ZNF891: variants seen among roughly 807,000 people sequenced by gnomAD.
ZNF891 encodes the protein hCG1646157.
For synonymous variants in ZNF891, 199 were observed against 209.0 expected (o/e 0.95, Z 0.41); for missense variants, 589 against 632.7 (o/e 0.93, Z 0.74).
chr12:133,124,680 T>C (rs1955797639), intron 1 of ZNF891, among the ~76,000 whole-genome samples: 1 of 149,084 alleles, frequency 6.7e-6, no homozygotes, highest in South Asian at 2.1e-4. Flanking sequence ...ATCTTCAAAG[T>C]ACTAAAGGAA....
Position 133,108,884 on chromosome 12 carries a change from C to T in ZNF891, c.*11400G>A, listed in dbSNP as rs765358241. 6.6e-6 allele frequency: 1 copy of T among 152,176 alleles called. No homozygotes were observed. The highest frequency in any genetic ancestry group is 2.4e-5 in the African/African-American group (1 of 41,456). The allele number at this position is 152,176 out of a possible 1,614,324, so 9.4% of individuals were successfully genotyped here. A position where few individuals can be genotyped will look rare whatever the true frequency, so the allele number is the denominator to read the frequency against. ...GAGAATTACACTGTGGGAAAACTAC[C>T]ATTGTAATAAGTGTAGCAAAATCTT... On this transcript the variant is annotated 3_prime_UTR_variant, in exon 2 of 2. Transcript: ENST00000537226.
At position 133,108,151 on chromosome 12, in the gene ZNF891, C is replaced by T. The variant is rs1444085857; in HGVS notation, c.*12133G>A. 2.6e-5 allele frequency: 4 copies of T among 151,958 alleles called. No individual in the cohort carries two copies. Among genetic ancestry groups the T allele is most frequent in the Admixed American group, 2.0e-4 (3 of 15,256 alleles). The allele number at this position is 151,958 out of a possible 1,614,324, so 9.4% of individuals were successfully genotyped here. On this transcript the variant is annotated 3_prime_UTR_variant, in exon 2 of 2. Transcript: ENST00000537226. ...TCTTACAATAGTGTACAGTCTGACT[C>T]GAATACAAGCAGCATGCCTTACTAC...
rs1197376218 is a variant in ZNF891, at chr12:133,111,416, C to T, written c.*8868G>A. On this transcript the variant is annotated 3_prime_UTR_variant, in exon 2 of 2. Coordinates refer to ENST00000537226, the MANE Select transcript of ZNF891 (RefSeq NM_001277291.2). ...TGAGGAGGCTGAGGTAGGAGGATCA[C>T]ATGAGCCCAGAAGGTTGAGGTGGCA... 6.6e-6 allele frequency: 1 copy of T among 152,134 alleles called. No individual in the cohort carries two copies. Among genetic ancestry groups the T allele is most frequent in the Non-Finnish European group, 1.5e-5 (1 of 68,034 alleles). The allele number at this position is 152,134 out of a possible 1,614,324, so 9.4% of individuals were successfully genotyped here.
At chr12:133,122,195 C>A in intron 1 of ZNF891, 171 bp from the exon 2 acceptor site, 1 of 1,105,598 alleles carries the variant, frequency 9.0e-7, no homozygotes, top group Non-Finnish European at 1.1e-6. Flanking sequence ...CGATCCTTAC[C>A]CACTTCAAGA....
rs1955675343 is a variant in ZNF891 at position 133,110,456 on chromosome 12, C to T, written c.*9828G>A. 2 of 152,138 alleles carry T rather than the reference C, an allele frequency of 1.3e-5. No individual in the cohort carries two copies. Among genetic ancestry groups the T allele is most frequent in the Admixed American group, 6.5e-5 (1 of 15,268 alleles). The allele number at this position is 152,138 out of a possible 1,614,324, so 9.4% of individuals were successfully genotyped here. ...TTGGAAAAAGAAGTTACTATGAATG[C>T]AGAAAGGCGACAGAACAACAGATGC... On this transcript the variant is annotated 3_prime_UTR_variant, in exon 2 of 2. Transcript: ENST00000537226.
Position 133,121,654 on chromosome 12 carries a change from G to C in ZNF891, c.265C>G (p.Leu89Val). Residue 89 changes from leucine (L) to valine (V), a missense_variant, in exon 2 of 2, where the codon CTT (leucine) becomes GTT (valine). Transcript: ENST00000537226. ...TGATCCAATGGGGAGATCACAGTAA[G>C]CCTGTACAACTGATATTCCACGGAG... ...LTSVEYQLYR[L>V]TVISPLDQEE... 1.3e-6 allele frequency: 2 copies of C among 1,536,410 alleles called. No homozygotes were observed. The highest frequency in any genetic ancestry group is 2.4e-5 in the South Asian group (2 of 84,058).
Position 133,105,610 on chromosome 12 carries a change from C to T in ZNF891, c.*14674G>A. On this transcript the variant is annotated 3_prime_UTR_variant, in exon 2 of 2. Transcript: ENST00000537226. Reference sequence around the variant, plus strand: ...TCATGGAAAGAATTCTAAGTCAAGGCCCTGTGTATTCCAGTTTTAAAGGAG... The same window carrying T: ...TCATGGAAAGAATTCTAAGTCAAGGTCCTGTGTATTCCAGTTTTAAAGGAG... The T allele has an allele frequency of 6.2e-7, 1 of 1,614,092 alleles. No individual in the cohort carries two copies. Among genetic ancestry groups the T allele is most frequent in the Middle Eastern group, 1.6e-4 (1 of 6,062 alleles).
rs11147234 is a variant in ZNF891 at position 133,110,755 on chromosome 12, G to C, written c.*9529C>G. 0.012 allele frequency: 1,826 copies of C among 152,278 alleles called. 15 individuals carry two copies. The highest frequency in any genetic ancestry group is 0.016 in the Non-Finnish European group (1,103 of 68,028). The allele number at this position is 152,278 out of a possible 1,614,324, so 9.4% of individuals were successfully genotyped here. A position where few individuals can be genotyped will look rare whatever the true frequency, so the allele number is the denominator to read the frequency against. On this transcript the variant is annotated 3_prime_UTR_variant, in exon 2 of 2. Transcript: ENST00000537226. ...ACTTGAGGTCAAGAGTTTAAAATCA[G>C]CCTGGCCAACATGGTGAAACCCCAT...
At position 133,108,232 on chromosome 12, in the gene ZNF891, T is replaced by G. The variant is rs1955652773; in HGVS notation, c.*12052A>C. 1 of 148,242 alleles carries G rather than the reference T, an allele frequency of 6.7e-6. No individual in the cohort carries two copies. The highest frequency in any genetic ancestry group is 6.6e-5 in the Admixed American group (1 of 15,108). The allele number at this position is 148,242 out of a possible 1,614,324, so 9.2% of individuals were successfully genotyped here. A position where few individuals can be genotyped will look rare whatever the true frequency, so the allele number is the denominator to read the frequency against. On this transcript the variant is annotated 3_prime_UTR_variant, in exon 2 of 2. Coordinates refer to ENST00000537226, the MANE Select transcript of ZNF891 (RefSeq NM_001277291.2). Reference sequence around the variant, plus strand: ...CTCAAGCAGCATGCCTTATTACATATGGGTATTTAATATCTGATTTGGTGT... The same window carrying G: ...CTCAAGCAGCATGCCTTATTACATAGGGGTATTTAATATCTGATTTGGTGT...
At position 133,121,876 on chromosome 12, in the gene ZNF891, G is replaced by C; in HGVS notation, c.43C>G (p.Gln15Glu). The C allele has an allele frequency of 1.3e-6, 2 of 1,536,254 alleles. No homozygotes were observed. The highest frequency in any genetic ancestry group is 1.7e-6 in the Non-Finnish European group (2 of 1,146,922). ...DLSSPWALTKQDSACFHLRNA... is the reference protein window; with the variant it reads ...DLSSPWALTKEDSACFHLRNA... ...CTCAGATGGAAACAGGCAGAGTCCT[G>C]TTTAGTTAAAGCCCATGGGGAGGAT... Residue 15 changes from glutamine to glutamate, a missense_variant, in exon 2 of 2, where the codon CAG becomes GAG. Coordinates refer to ENST00000537226, the MANE Select transcript of ZNF891 (RefSeq NM_001277291.2).
chr12:133,129,799 G>A (rs1005537491), intron 1 of ZNF891, among the ~76,000 whole-genome samples: 3 of 152,084 alleles, frequency 2.0e-5, no homozygotes, highest in African/African-American at 7.2e-5. Flanking sequence ...AAACCATATC[G>A]CATTCAACCA....
In ZNF891 at chr12:133,105,991, G is replaced by A. The variant is rs781304847; in HGVS notation, c.*14293C>T. The A allele has an allele frequency of 1.4e-5, 22 of 1,613,936 alleles. No individual in the cohort carries two copies. In the East Asian group the frequency reaches 1.8e-4, roughly 13 times the overall value. On this transcript the variant is annotated 3_prime_UTR_variant, in exon 2 of 2. Coordinates refer to ENST00000537226, the MANE Select transcript of ZNF891 (RefSeq NM_001277291.2). ...CATTTCTTATTGAACACCAGAGAAC[G>A]CACACTGGGGAGAAACCTTATGAAT...
Position 133,128,475 on chromosome 12 carries a change from A to T in ZNF891, c.-107+1752T>A, listed in dbSNP as rs183671057. 4.6e-3 allele frequency among the ~76,000 whole-genome samples: 701 copies of T among 152,264 alleles called. 5 individuals are homozygous for T. The highest frequency in any genetic ancestry group is 0.012 in the Admixed American group (183 of 15,292). On this transcript the variant is annotated intron_variant, in intron 1 of 1. Coordinates refer to ENST00000537226, the MANE Select transcript of ZNF891 (RefSeq NM_001277291.2). ...CGTGAAACCCCGTCTCTACTAAAAA[A>T]TACAAAAAATTAACCGGGCATGGCA...
chr12:133,108,335 G>C lies in ZNF891; in HGVS notation c.*11949C>G, dbSNP rs746576569. 5 of 151,534 alleles carry C rather than the reference G, an allele frequency of 3.3e-5. No individual in the cohort carries two copies. The highest frequency in any genetic ancestry group is 1.9e-4 in the East Asian group (1 of 5,170). 9.4% of individuals were successfully genotyped at this position (151,534 alleles called of 1,614,324 possible). A position where few individuals can be genotyped will look rare whatever the true frequency, so the allele number is the denominator to read the frequency against. ...TCTCAGGCAGGAATGGTTTGTATCA[G>C]GGTAAAAATCAAGTTACCCTGTCAG... On this transcript the variant is annotated 3_prime_UTR_variant, in exon 2 of 2. Coordinates refer to ENST00000537226, the MANE Select transcript of ZNF891 (RefSeq NM_001277291.2).
Position 133,108,916 on chromosome 12 carries a change from T to TA in ZNF891, c.*11367dup, listed in dbSNP as rs1418192465. 2.0e-5 allele frequency: 3 copies of TA among 152,348 alleles called. No homozygotes were observed. The East Asian group carries it at 5.8e-4, about 29-fold the overall frequency. The allele number at this position is 152,348 out of a possible 1,614,324, so 9.4% of individuals were successfully genotyped here. ...ATAAGTGTAGCAAAATCTTCTTAGA[T>TA]ATCTGAAAAGTCATACTGGATGGAA... On this transcript the variant is annotated 3_prime_UTR_variant, in exon 2 of 2. Coordinates refer to ENST00000537226, the MANE Select transcript of ZNF891 (RefSeq NM_001277291.2).
In ZNF891 at chr12:133,118,950, A is replaced by G. The variant is rs1267560701; in HGVS notation, c.*1334T>C. 6.6e-6 allele frequency: 1 copy of G among 152,082 alleles called. No individual in the cohort carries two copies. Among genetic ancestry groups the G allele is most frequent in the African/African-American group, 2.4e-5 (1 of 41,412 alleles). 9.4% of individuals were successfully genotyped at this position (152,082 alleles called of 1,614,324 possible). A position where few individuals can be genotyped will look rare whatever the true frequency, so the allele number is the denominator to read the frequency against. ...AAAATCAGTAAGAGCCAGGCATGGTAACTCATGCCTGGAATCCTAGCACTT... is the reference window on the plus strand; with the variant it reads ...AAAATCAGTAAGAGCCAGGCATGGTGACTCATGCCTGGAATCCTAGCACTT... On this transcript the variant is annotated 3_prime_UTR_variant, in exon 2 of 2. Transcript: ENST00000537226.
chr12:133,105,503 C>A lies in ZNF891; in HGVS notation c.*14781G>T. 1 of 1,563,854 alleles carries A rather than the reference C, an allele frequency of 6.4e-7. No homozygotes were observed. Among genetic ancestry groups the A allele is most frequent in the Non-Finnish European group, 8.6e-7 (1 of 1,159,176 alleles). On this transcript the variant is annotated 3_prime_UTR_variant, in exon 2 of 2. Coordinates refer to ENST00000537226, the MANE Select transcript of ZNF891 (RefSeq NM_001277291.2). ...GAAACATTCACTTTTTTTTTGGTAT[C>A]TTTCAGTTTCAGAGTCAAGTGGTGA... is the stretch of plus-strand genomic sequence containing the variant.
Position 133,120,517 on chromosome 12 carries a change from C to G in ZNF891, c.1402G>C (p.Val468Leu). 6.3e-7 allele frequency: 1 copy of G among 1,581,170 alleles called. No individual in the cohort carries two copies. Among genetic ancestry groups the G allele is most frequent in the East Asian group, 2.3e-5 (1 of 43,204 alleles). ...CTAAGGGATGAGACCCCACTGAAAA[C>G]TTTCCCACAGTCACTGCATTCATAA... ...NVYECSDCGK[V>L]FSGVSSLRMH... The change falls in exon 2 of 2, where the codon GTT (valine) becomes CTT (leucine). Residue 468 changes from valine (V) to leucine (L), a missense_variant. Coordinates refer to ENST00000537226, the MANE Select transcript of ZNF891 (RefSeq NM_001277291.2).
Position 133,106,682 on chromosome 12 carries a change from A to G in ZNF891, c.*13602T>C. 1.3e-6 allele frequency: 2 copies of G among 1,511,724 alleles called. No homozygotes were observed. Among genetic ancestry groups the G allele is most frequent in the South Asian group, 1.3e-5 (1 of 75,400 alleles). 93.6% of individuals were successfully genotyped at this position (1,511,724 alleles called of 1,614,324 possible). On this transcript the variant is annotated 3_prime_UTR_variant, in exon 2 of 2. Transcript: ENST00000537226. ...CACTGCAAAGAAAAACTATGAATGT[A>G]TGGAATTTTTTAAAAAGAAGTATAA... is the stretch of plus-strand genomic sequence containing the variant.
Sources: gnomAD v4.1 joint callset for allele counts (sites outside exome capture counted in the v4.1 genomes callset) on GRCh38, gnomAD v4.1.1 for gene constraint, MANE v1.5 for transcripts, NCBI Gene and HGNC (gene_info 2026-07-23, HGNC 2026-07-21) for gene names.